The following KIF7 variants were observed in gnomAD, a reference collection of about 807,000 sequenced individuals.
The protein encoded by KIF7 is kinesin family member 7.
A neutral mutation model predicts 135.7 loss-of-function variants in KIF7; 104 were observed. The observed-to-expected ratio is 0.77, with a 90% CI of 0.65 to 0.90. The LOEUF (loss-of-function observed/expected upper bound fraction) is 0.90, where lower values mean the gene tolerates loss of function less well. Among genes scored for constraint, KIF7 ranks in the 40% least tolerant of loss-of-function variants. KIF7 has a pLI of 0.00. For missense variants in KIF7, 2,005 were observed against 1,839.1 expected, an observed-to-expected ratio of 1.09 and a Z score of -1.65; for synonymous variants, 883 against 809.4, an observed-to-expected ratio of 1.09 and a Z score of -1.54.
downstream of KIF7, chr15:89,624,739 G>T: frequency 1.2e-6 from 2 of 1,614,180 alleles, no homozygotes; most frequent in Non-Finnish European, 1.7e-6. Flanking sequence ...TGGCATTGGT[G>T]ACTTGAAAAG....
rs1596079338 is a variant in KIF7 at position 89,649,867 on chromosome 15, C to A, written c.403G>T (p.Asp135Tyr). 6.4e-7 allele frequency: 1 copy of A among 1,551,792 alleles called. No individual in the cohort carries two copies. The highest frequency in any genetic ancestry group is 8.7e-7 in the Non-Finnish European group (1 of 1,147,006). Residue 135 changes from aspartate to tyrosine, a missense_variant, in exon 3 of 19, where the codon GAC becomes TAC. By Grantham distance (160) the Asp-to-Tyr change is radical. Coordinates refer to ENST00000394412, the MANE Select transcript of KIF7 (RefSeq NM_198525.3). The part of the protein sequence containing the change: ...AEAFKLIDEN[D>Y]LLDCLVHVSY... ...ACATGTACCAGACAGTCAAGCAGGT[C>A]GTTCTCATCGATGAGCTTGAAGGCC...
chr15:89,647,697 G>C lies in KIF7; in HGVS notation c.1459C>G (p.Gln487Glu). 1 of 1,581,888 alleles carries C rather than the reference G, an allele frequency of 6.3e-7. No individual in the cohort carries two copies. Among genetic ancestry groups the C allele is most frequent in the East Asian group, 2.3e-5 (1 of 43,420 alleles). The change falls in exon 6 of 19, where the codon CAG becomes GAG. Residue 487 changes from glutamine to glutamate, a missense_variant. Transcript: ENST00000394412. The stretch of plus-strand genomic sequence containing the variant: ...TGGTTCTGCAGGGTCAGCAGCTGCT[G>C]CGCCCCCTCATCCTCCTATAGGGCA... ...AGGRKEDEGA[Q>E]QLLTLQNQVA...
intron 8 of KIF7, 68 bp downstream of exon 8, chr15:89,645,825 T>C (rs780137850): frequency 6.3e-7 from 1 of 1,575,830 alleles, no homozygotes; most frequent in Non-Finnish European, 8.6e-7. Flanking sequence ...GACGGTGCGA[T>C]CCCCAGCCTG....
At chr15:89,651,717 A>AT (rs1017558526) in intron 2 of KIF7, among the ~76,000 whole-genome samples, 4 of 152,050 alleles carry the variant, frequency 2.6e-5, no homozygotes, top group East Asian at 1.9e-4. Context: ...TATTTTCCTA[A>AT]TTTTTTTTAC....
At chr15:89,625,742 C>T (rs769022345), downstream of KIF7, 2 of 1,612,804 alleles carry the variant, frequency 1.2e-6, no homozygotes, top group Non-Finnish European at 1.7e-6. Flanking sequence ...AGTTGGAGTG[C>T]ATGGCAGCTA....
chr15:89,631,406 C>T (rs1217420226), intron 15 of KIF7, 89 bp downstream of exon 15: 3 of 1,227,308 alleles, frequency 2.4e-6, no homozygotes, highest in Non-Finnish European at 2.3e-6. Flanking sequence ...AGGCCCAGCA[C>T]CCGCAGAGGG....
At chr15:89,640,546 A>G (rs191804755) in intron 11 of KIF7, among the ~76,000 whole-genome samples, 18 of 152,330 alleles carry the variant, frequency 1.2e-4, no homozygotes, top group African/African-American at 4.3e-4. Context: ...GTCAGGCTCC[A>G]GAGCCCATGC....
intron 1 of KIF7, among the ~76,000 whole-genome samples, chr15:89,619,295 C>T (rs748763268): frequency 5.1e-4 from 71 of 138,688 alleles, no homozygotes; most frequent in Non-Finnish European, 8.5e-4. Context: ...GCATGCTCTC[C>T]GCTCACTGCA....
intron 2 of KIF7, chr15:89,618,006 A>C (rs1293494616): frequency 1.7e-5 from 14 of 818,214 alleles, no homozygotes; most frequent in Non-Finnish European, 2.7e-5. Context: ...TCTTGACAAT[A>C]ATCACGTATG....
chr15:89,633,262 A>G lies in KIF7; in HGVS notation c.2597T>C (p.Leu866Pro), dbSNP rs1963726110. Reference sequence around the variant, plus strand: ...CTGCTGTTGCTCATGCTTCAGCTCCAGCTCCTGGGTGAGGAGCTCAGTGGG... The same window carrying G: ...CTGCTGTTGCTCATGCTTCAGCTCCGGCTCCTGGGTGAGGAGCTCAGTGGG... Reference protein sequence around the residue: ...MSKRQHRVKELELKHEQQQKI... With the variant: ...MSKRQHRVKEPELKHEQQQKI... The change falls in exon 13 of 19, where the codon CTG becomes CCG. Residue 866 changes from leucine (L) to proline (P), a missense_variant. By Grantham distance (98) the Leu-to-Pro change is moderately conservative. Coordinates refer to ENST00000394412, the MANE Select transcript of KIF7 (RefSeq NM_198525.3). The G allele has an allele frequency of 6.4e-7, 1 of 1,567,828 alleles. No individual in the cohort carries two copies. The highest frequency in any genetic ancestry group is 8.6e-7 in the Non-Finnish European group (1 of 1,159,676).
rs746002125 is a variant in KIF7 at position 89,628,706 on chromosome 15, G to T, written c.3745C>A (p.Leu1249Ile). ...CCCTCAGTGAGGGGGGACAGCCAGA[G>T]AAGCTCGGGTGCCAGGTGGAGCTCA... ...EDELHLAPEL[L>I]WLSPLTEGAP... The change falls in exon 19 of 19, where the codon CTC (leucine) becomes ATC (isoleucine). Residue 1249 changes from leucine (L) to isoleucine (I), a missense_variant. Leu to Ile is a conservative substitution (Grantham distance 5). Coordinates refer to ENST00000394412, the MANE Select transcript of KIF7 (RefSeq NM_198525.3). The T allele has an allele frequency of 2.5e-6, 4 of 1,613,092 alleles. No homozygotes were observed. In the South Asian group the frequency reaches 4.4e-5, roughly 18 times the overall value.
In KIF7 at chr15:89,631,729, G is replaced by C. The variant is rs745692244; in HGVS notation, c.2896-19C>G. Reference sequence around the variant, plus strand: ...TGAGGGCCTGGGGGCAGAATCACCAGGGATTAGAGAAGGAACAGGCACTGT... The same window carrying C: ...TGAGGGCCTGGGGGCAGAATCACCACGGATTAGAGAAGGAACAGGCACTGT... On this transcript the variant is annotated intron_variant, in intron 14 of 18. Coordinates refer to ENST00000394412, the MANE Select transcript of KIF7 (RefSeq NM_198525.3). 5 of 1,544,076 alleles carry C rather than the reference G, an allele frequency of 3.2e-6. No individual in the cohort carries two copies. In the South Asian group the frequency reaches 4.8e-5, roughly 15 times the overall value.
rs12148152 is a variant in KIF7, at chr15:89,617,873, A to G, written c.*75+156T>C. Among the ~76,000 whole-genome samples the G allele has an allele frequency of 0.53, 80,376 of 151,804 alleles. 21,578 individuals carry two copies. Among genetic ancestry groups the G allele is most frequent in the Non-Finnish European group, 0.58 (39,621 of 67,908 alleles). ...CGCCCAGCTAATTTTTGTATTTTTA[A>G]TAGAGTCGGGGTTTCACCATATTGG... On this transcript the variant is annotated intron_variant and NMD_transcript_variant, in intron 2 of 2. Coordinates refer to the KIF7 transcript ENST00000558928.
downstream of KIF7, chr15:89,627,074 G>A (rs1159237378): frequency 6.2e-7 from 1 of 1,614,064 alleles, no homozygotes; most frequent in South Asian, 1.1e-5. Flanking sequence ...GAACCTGGCT[G>A]GAGGACTTAT....
At chr15:89,636,010 T>TG (rs1032232728) in intron 11 of KIF7, among the ~76,000 whole-genome samples, 9 of 151,140 alleles carry the variant, frequency 6.0e-5, no homozygotes, top group Non-Finnish European at 1.3e-4. Flanking sequence ...CAGAAGAGAG[T>TG]GGGGGTCAAT....
intron 7 of KIF7, 51 bp from the exon 8 acceptor site, chr15:89,646,077 C>G (rs764201923): frequency 1.2e-6 from 2 of 1,609,294 alleles, no homozygotes; most frequent in Non-Finnish European, 1.7e-6. Flanking sequence ...TGCGATATAC[C>G]CCACCTTGCC....
downstream of KIF7, chr15:89,625,953 A>G (rs201609760): frequency 3.2e-6 from 5 of 1,585,142 alleles, no homozygotes; most frequent in African/African-American, 6.8e-5. Flanking sequence ...CCCACCTCCC[A>G]GCTGTGCCGT....
At chr15:89,632,707 G>A in intron 14 of KIF7, 113 bp downstream of exon 14, 1 of 1,167,252 alleles carries the variant, frequency 8.6e-7, no homozygotes, top group South Asian at 1.3e-5. Flanking sequence ...CACTTTGCTA[G>A]ACCTCACCTG....
At chr15:89,643,840 G>A (rs4932137) in intron 10 of KIF7, among the ~76,000 whole-genome samples, 78,170 of 148,158 alleles carry the variant, frequency 0.53, 20,838 homozygotes, top group Non-Finnish European at 0.58. Context: ...AGCCAACATC[G>A]TGCCACTGCA....
Sources: allele counts gnomAD v4.1 joint callset (sites outside exome capture counted in the v4.1 genomes callset), GRCh38; gene constraint gnomAD v4.1.1; transcripts MANE v1.5; gene names NCBI Gene and HGNC (gene_info 2026-07-23, HGNC 2026-07-21).